The following SORCS1 variants were observed in gnomAD, a reference collection of about 807,000 sequenced individuals.
SORCS1 encodes VPS10 domain-containing receptor SorCS1.
Under a neutral mutation model 146.1 loss-of-function variants are expected in SORCS1, and 60 were observed. That is an observed-to-expected ratio of 0.41 (90% CI 0.33 to 0.51). SORCS1 has a LOEUF of 0.51. Ranked by LOEUF, SORCS1 falls within the 20% of genes least tolerant of loss-of-function variation. The pLI is 0.21. For synonymous variants in SORCS1, 637 were observed against 584.0 expected, an observed-to-expected ratio of 1.09 and a Z score of -1.31; for missense variants, 1,352 against 1,487.6, an observed-to-expected ratio of 0.91 and a Z score of 1.50.
Position 106,726,805 on chromosome 10 carries a change from G to A in SORCS1, c.1024+3245C>T, listed in dbSNP as rs574654734. On this transcript the variant is annotated intron_variant, in intron 6 of 25. Coordinates refer to ENST00000263054, the MANE Select transcript of SORCS1 (RefSeq NM_052918.5). Reference sequence around the variant, plus strand: ...GAGCTTGTTAGAAATGCAGACTCTCGGCCGGGTGCGGTGGCTCACGCCTAT... The same window carrying A: ...GAGCTTGTTAGAAATGCAGACTCTCAGCCGGGTGCGGTGGCTCACGCCTAT... Among the ~76,000 whole-genome samples the A allele has an allele frequency of 7.2e-5, 11 of 151,970 alleles. 1 individual carries two copies. The highest frequency in any genetic ancestry group is 3.4e-3 in the Middle Eastern group (1 of 294).
At chr10:106,678,348 A>C (rs1258624352) in intron 12 of SORCS1, among the ~76,000 whole-genome samples, 1 of 152,162 alleles carries the variant, frequency 6.6e-6, no homozygotes, top group Non-Finnish European at 1.5e-5. Flanking sequence ...GGAGTTTCTT[A>C]TGCAAATTTC....
chr10:106,676,219 G>T (rs1051335060), intron 13 of SORCS1, among the ~76,000 whole-genome samples: 2 of 152,022 alleles, frequency 1.3e-5, no homozygotes, highest in African/African-American at 2.4e-5. Flanking sequence ...ACTCATATAC[G>T]GAGAGAACCA....
chr10:107,122,154 A>G (rs1482003197), intron 1 of SORCS1, among the ~76,000 whole-genome samples: 1 of 152,154 alleles, frequency 6.6e-6, no homozygotes, highest in African/African-American at 2.4e-5. Flanking sequence ...CTCATAAGGG[A>G]AAATACCCGT....
At chr10:107,037,061 C>T (rs948312265) in intron 1 of SORCS1, among the ~76,000 whole-genome samples, 8 of 151,752 alleles carry the variant, frequency 5.3e-5, no homozygotes, top group South Asian at 2.1e-4. Context: ...GCCTGGCTAA[C>T]ATGGTGAAAC....
chr10:107,114,285 T>C (rs1034693735), intron 1 of SORCS1, among the ~76,000 whole-genome samples: 1 of 152,166 alleles, frequency 6.6e-6, no homozygotes. Flanking sequence ...GAGGCCAGCA[T>C]AACCTTCAAA....
intron 2 of SORCS1, among the ~76,000 whole-genome samples, chr10:106,923,759 G>A (rs1228530224): frequency 6.6e-6 from 1 of 152,040 alleles, no homozygotes; most frequent in Non-Finnish European, 1.5e-5. Context: ...TATCTTCTTC[G>A]GCCAGTTATC....
chr10:107,137,719 G>A (rs1172064884), intron 1 of SORCS1, among the ~76,000 whole-genome samples: 2 of 152,034 alleles, frequency 1.3e-5, no homozygotes, highest in African/African-American at 4.8e-5. Flanking sequence ...AAAATTAGCT[G>A]GGCCTGGTGG....
At chr10:106,951,917 G>A (rs534161564) in intron 2 of SORCS1, among the ~76,000 whole-genome samples, 5 of 152,182 alleles carry the variant, frequency 3.3e-5, no homozygotes, top group Non-Finnish European at 7.4e-5. Context: ...AATAGGAATT[G>A]GCCCTTCCTG....
At position 107,048,722 on chromosome 10, in the gene SORCS1, C is replaced by T. The variant is rs17121985; in HGVS notation, c.559-92142G>A. Among the ~76,000 whole-genome samples the T allele has an allele frequency of 9.1e-3, 1,389 of 152,198 alleles. 23 individuals carry two copies. Among genetic ancestry groups the T allele is most frequent in the African/African-American group, 0.032 (1,311 of 41,506 alleles). On this transcript the variant is annotated intron_variant, in intron 1 of 25. Coordinates refer to ENST00000263054, the MANE Select transcript of SORCS1 (RefSeq NM_052918.5). ...ACACCCATTCACATCGTAGGTGACACCATTTTTTGGATGGAGTAGAAAAGC... is the reference window on the plus strand; with the variant it reads ...ACACCCATTCACATCGTAGGTGACATCATTTTTTGGATGGAGTAGAAAAGC...
intron 10 of SORCS1, among the ~76,000 whole-genome samples, chr10:106,684,967 C>T (rs1852712816): frequency 6.6e-6 from 1 of 152,192 alleles, no homozygotes; most frequent in South Asian, 2.1e-4. Flanking sequence ...CACCTGCAGC[C>T]TGCTTTCTGA....
chr10:106,813,515 A>C (rs1187039520), intron 3 of SORCS1, among the ~76,000 whole-genome samples: 4 of 152,206 alleles, frequency 2.6e-5, no homozygotes, highest in Non-Finnish European at 5.9e-5. Flanking sequence ...GAGTAAAGAG[A>C]GGCAGCTGTA....
At chr10:106,978,136 G>T (rs1956109805) in intron 1 of SORCS1, among the ~76,000 whole-genome samples, 1 of 152,080 alleles carries the variant, frequency 6.6e-6, no homozygotes, top group South Asian at 2.1e-4. Flanking sequence ...GTAGAGACAG[G>T]GTTTCACCAT....
intron 3 of SORCS1, among the ~76,000 whole-genome samples, chr10:106,807,099 CTAAA>C (rs914697877): frequency 1.8e-4 from 28 of 152,242 alleles, no homozygotes; most frequent in African/African-American, 6.3e-4. Flanking sequence ...GATTACTTCT[CTAAA>C]TACTTAGCTT....
intron 1 of SORCS1, among the ~76,000 whole-genome samples, chr10:107,114,495 C>G (rs770160373): frequency 5.3e-5 from 8 of 152,120 alleles, no homozygotes; most frequent in Non-Finnish European, 7.4e-5. Context: ...TTTAAAAGAA[C>G]AAAGGACAAA....
At chr10:106,776,370 C>T (rs541849930) in intron 4 of SORCS1, among the ~76,000 whole-genome samples, 164 bp downstream of exon 4, 1 of 152,196 alleles carries the variant, frequency 6.6e-6, no homozygotes, top group African/African-American at 2.4e-5. Flanking sequence ...TTTAAACAAG[C>T]AACCTGAGAC....
chr10:106,863,328 C>T (rs1289063536), intron 2 of SORCS1, among the ~76,000 whole-genome samples: 1 of 152,080 alleles, frequency 6.6e-6, no homozygotes, highest in Non-Finnish European at 1.5e-5. Context: ...AGTTCAAGAC[C>T]AGCCTGGCCA....
chr10:106,680,176 TG>T (rs1266943694), intron 10 of SORCS1, among the ~76,000 whole-genome samples: 2 of 152,164 alleles, frequency 1.3e-5, no homozygotes, highest in Non-Finnish European at 2.9e-5. Context: ...GAAGCAAAGA[TG>T]GATAGGCTAT....
intron 1 of SORCS1, among the ~76,000 whole-genome samples, chr10:107,108,037 A>C (rs1007429928): frequency 6.6e-5 from 10 of 152,176 alleles, no homozygotes; most frequent in Non-Finnish European, 1.3e-4. Flanking sequence ...CTGAGTCCCC[A>C]GGGTAGGCTT....
chr10:106,762,423 T>C (rs1381805518), intron 4 of SORCS1, among the ~76,000 whole-genome samples: 53 of 140,024 alleles, frequency 3.8e-4, no homozygotes, highest in African/African-American at 1.4e-3. Context: ...GACAGAGTCT[T>C]GCTCTGTCGC....
Sources: gnomAD v4.1 joint callset for allele counts (sites outside exome capture counted in the v4.1 genomes callset) on GRCh38, gnomAD v4.1.1 for gene constraint, MANE v1.5 for transcripts, NCBI Gene and HGNC (gene_info 2026-07-23, HGNC 2026-07-21) for gene names.